The following ATF7 variants were observed in gnomAD, a reference collection of about 807,000 sequenced individuals.
The protein encoded by ATF7 is cyclic AMP-dependent transcription factor ATF-7.
Under a neutral mutation model 50.4 loss-of-function variants are expected in ATF7, and 10 were observed. That is an observed-to-expected ratio of 0.20 (90% CI 0.12 to 0.34). The LOEUF (loss-of-function observed/expected upper bound fraction) is 0.34. Among genes scored for constraint, ATF7 ranks in the 10% least tolerant of loss-of-function variants. The probability of loss-of-function intolerance (pLI) is 1.00; values close to 1 mark genes in which losing one functional copy is unlikely to be tolerated. For missense variants in ATF7, 465 were observed against 613.9 expected, an observed-to-expected ratio of 0.76 and a Z score of 2.56; for synonymous variants, 201 against 226.4, an observed-to-expected ratio of 0.89 and a Z score of 1.01.
chr12:53,525,264 A>C (rs756833244), intron 9 of ATF7, among the ~76,000 whole-genome samples: 7 of 152,144 alleles, frequency 4.6e-5, no homozygotes, highest in Non-Finnish European at 8.8e-5. Context: ...GAGGCAGGAG[A>C]ATTGCTTGAG....
intron 6 of ATF7, among the ~76,000 whole-genome samples, chr12:53,533,868 C>G (rs1485081750): frequency 3.3e-5 from 5 of 152,214 alleles, no homozygotes; most frequent in African/African-American, 1.2e-4. Flanking sequence ...TTCAGTGTTT[C>G]ATTCAGTAGT....
intron 8 of ATF7, 65 bp from the exon 9 acceptor site, chr12:53,531,961 G>A: frequency 6.4e-7 from 1 of 1,568,452 alleles, no homozygotes; most frequent in Non-Finnish European, 8.7e-7. Flanking sequence ...GAGAAGAGTG[G>A]CCTTAGATTT....
At chr12:53,531,595 A>G in intron 9 of ATF7, 149 bp downstream of exon 9, 2 of 746,628 alleles carry the variant, frequency 2.7e-6, no homozygotes, top group Non-Finnish European at 4.1e-6. Flanking sequence ...ACGTTTTGCT[A>G]TAGTCAAACT....
At chr12:53,579,539 G>A (rs1389803208) in intron 2 of ATF7, among the ~76,000 whole-genome samples, 1 of 138,452 alleles carries the variant, frequency 7.2e-6, no homozygotes, top group African/African-American at 2.8e-5. Flanking sequence ...GAGACAGTGC[G>A]AAACTCCGTC....
At chr12:53,531,943 TCAA>T in intron 8 of ATF7, 47 bp from the exon 9 acceptor site, 1 of 1,603,604 alleles carries the variant, frequency 6.2e-7, no homozygotes, top group Non-Finnish European at 8.5e-7. Flanking sequence ...TCAGATTCTA[TCAA>T]GGATGAGAAG....
chr12:53,592,996 T>G (rs1211030780), intron 2 of ATF7, among the ~76,000 whole-genome samples: 1 of 152,210 alleles, frequency 6.6e-6, no homozygotes, highest in Non-Finnish European at 1.5e-5. Context: ...ACTAGCACTG[T>G]AATTCTTTCA....
intron 2 of ATF7, among the ~76,000 whole-genome samples, chr12:53,559,218 TTTTTTC>T (rs1252950784): frequency 6.9e-6 from 1 of 145,326 alleles, no homozygotes; most frequent in African/African-American, 2.5e-5. Context: ...ATTTTTTTAC[TTTTTTC>T]TTTTTCTTTT....
chr12:53,573,833 G>A (rs1002441179), intron 2 of ATF7, among the ~76,000 whole-genome samples: 15 of 152,086 alleles, frequency 9.9e-5, no homozygotes, highest in Admixed American at 7.9e-4. Flanking sequence ...TTCTACCCCC[G>A]TCTAGCCATC....
chr12:53,580,663 C>CAA (rs539252431), intron 2 of ATF7, among the ~76,000 whole-genome samples: 17 of 37,586 alleles, frequency 4.5e-4, no homozygotes, highest in South Asian at 6.6e-4. Context: ...GACTCCATCT[C>CAA]AAAAAAAAAA....
At chr12:53,521,428 C>T (rs1938122840) in intron 11 of ATF7, among the ~76,000 whole-genome samples, 1 of 152,152 alleles carries the variant, frequency 6.6e-6, no homozygotes, top group African/African-American at 2.4e-5. Context: ...AACTACTCTC[C>T]ACCCCCAACT....
chr12:53,538,992 T>C (rs1186403947), intron 4 of ATF7, among the ~76,000 whole-genome samples: 2 of 152,140 alleles, frequency 1.3e-5, no homozygotes, highest in Non-Finnish European at 2.9e-5. Flanking sequence ...AATACAACCA[T>C]AGATTTGAAA....
At chr12:53,579,344 C>CCAAAATAGTGAAATGCCAT (rs1320309372) in intron 2 of ATF7, among the ~76,000 whole-genome samples, 6 of 151,978 alleles carry the variant, frequency 3.9e-5, no homozygotes, top group South Asian at 2.1e-4. Flanking sequence ...ACCAGCCTGG[C>CCAAAATAGTGAAATGCCAT]CAAAATAGTG....
chr12:53,586,253 GACT>G (rs2137735157), intron 2 of ATF7, among the ~76,000 whole-genome samples: 1 of 152,170 alleles, frequency 6.6e-6, no homozygotes, highest in South Asian at 2.1e-4. Flanking sequence ...GAAATTTTTA[GACT>G]ACTTTTATTG....
intron 1 of ATF7, among the ~76,000 whole-genome samples, chr12:53,608,087 G>A (rs1943690321): frequency 6.6e-6 from 1 of 151,856 alleles, no homozygotes; most frequent in Non-Finnish European, 1.5e-5. Context: ...GGGTGTGGTG[G>A]TGCATGCCTG....
intron 4 of ATF7, chr12:53,542,772 C>T (rs571346631): frequency 2.6e-5 from 8 of 310,870 alleles, no homozygotes; most frequent in Non-Finnish European, 3.3e-5. Flanking sequence ...GTTCTTTCAC[C>T]GTCCTGGTTG....
In ATF7 at chr12:53,537,393, T is replaced by C. The variant is rs780046955; in HGVS notation, c.402+22A>G. The C allele has an allele frequency of 1.9e-6, 3 of 1,612,462 alleles. No individual in the cohort carries two copies. In the South Asian group the frequency reaches 3.3e-5, roughly 18 times the overall value. ...AAACTTTATCAATTAACATTTGAGA[T>C]GATCCTTGGTAGAGAATTTACCTTC... On this transcript the variant is annotated intron_variant, in intron 5 of 11. Transcript: ENST00000420353.
At chr12:53,552,658 A>C in intron 2 of ATF7, 21 bp from the exon 3 acceptor site, 1 of 1,598,470 alleles carries the variant, frequency 6.3e-7, no homozygotes, top group Non-Finnish European at 8.6e-7. Context: ...ACAGAAATGG[A>C]GATATGAAAA....
chr12:53,524,494 C>T lies in ATF7; in HGVS notation c.1125+70G>A. 6.5e-7 allele frequency: 1 copy of T among 1,539,890 alleles called. No homozygotes were observed. Among genetic ancestry groups the T allele is most frequent in the Non-Finnish European group, 8.9e-7 (1 of 1,123,876 alleles). ...ATTACCATCTTCTATCAAATTGTAC[C>T]ACTTTTTTCTGATTCCATCCCACTT... On this transcript the variant is annotated intron_variant, in intron 10 of 11. Transcript: ENST00000420353. The surrounding 1 kb of genome is among the most constrained non-coding windows in gnomAD (Gnocchi z 4.6).
At chr12:53,531,187 G>A in intron 9 of ATF7, among the ~76,000 whole-genome samples, 1 of 151,892 alleles carries the variant, frequency 6.6e-6, no homozygotes, top group Non-Finnish European at 1.5e-5. Context: ...CTGGGAGGCC[G>A]AGATGGGTGG....
Sources: gnomAD v4.1 joint callset for allele counts (sites outside exome capture counted in the v4.1 genomes callset) on GRCh38, gnomAD v4.1.1 for gene constraint, Gnocchi (gnomAD v3.1) non-coding constraint, MANE v1.5 for transcripts, NCBI Gene and HGNC (gene_info 2026-07-23, HGNC 2026-07-21) for gene names.